DENND5B: variants seen among roughly 807,000 people sequenced by gnomAD.
DENND5B encodes DENN domain containing 5B, also known as DENN domain-containing protein 5B.
A neutral mutation model predicts 140.6 loss-of-function variants in DENND5B; 34 were observed. The ratio of observed to expected loss-of-function variants is 0.24; its 90% CI spans 0.18 to 0.32. The LOEUF (loss-of-function observed/expected upper bound fraction) is 0.32, where lower values mean the gene tolerates loss of function less well. Ranked by LOEUF, DENND5B falls within the 10% of genes least tolerant of loss-of-function variation. DENND5B has a pLI of 1.00. For synonymous variants in DENND5B, 551 were observed against 562.1 expected, an observed-to-expected ratio of 0.98 and a Z score of 0.28; for missense variants, 1,142 against 1,560.2, an observed-to-expected ratio of 0.73 and a Z score of 4.52.
chr12:31,479,442 C>T (rs900490163), intron 3 of DENND5B, 147 bp downstream of exon 3: 37 of 636,600 alleles, frequency 5.8e-5, no homozygotes, highest in Non-Finnish European at 1.8e-5. Context: ...TCATCTCAGC[C>T]GCTGGTCCCA....
At chr12:31,451,728 T>C in intron 5 of DENND5B, 1 of 562,006 alleles carries the variant, frequency 1.8e-6, no homozygotes, top group African/African-American at 1.9e-5. Context: ...CTGGTTTATT[T>C]GCTTGTAAAA....
rs1337793197 is a variant in DENND5B at position 31,385,244 on chromosome 12, A to G, written c.*2359T>C. The G allele has an allele frequency of 6.6e-6, 1 of 152,236 alleles. No homozygotes were observed. Among genetic ancestry groups the G allele is most frequent in the Non-Finnish European group, 1.5e-5 (1 of 68,042 alleles). The allele number at this position is 152,236 out of a possible 1,614,324, so 9.4% of individuals were successfully genotyped here. A position where few individuals can be genotyped will look rare whatever the true frequency, so the allele number is the denominator to read the frequency against. ...GAAAGACTATTAGTAAGAATGCCGG[A>G]AGGTCAGTCTCATGCAGCCTGGTGA... On this transcript the variant is annotated 3_prime_UTR_variant, in exon 21 of 21. Coordinates refer to ENST00000389082, the MANE Select transcript of DENND5B (RefSeq NM_144973.4).
chr12:31,390,336 T>C (rs1941061938), intron 19 of DENND5B, among the ~76,000 whole-genome samples: 1 of 152,222 alleles, frequency 6.6e-6, no homozygotes, highest in South Asian at 2.1e-4. Context: ...CATTTACATT[T>C]GATTTAAATT....
At chr12:31,547,164 G>A (rs1048112085) in intron 1 of DENND5B, among the ~76,000 whole-genome samples, 1 of 152,104 alleles carries the variant, frequency 6.6e-6, no homozygotes, top group Non-Finnish European at 1.5e-5. Context: ...TTATTGTTGT[G>A]TTACTTTTCT....
intron 2 of DENND5B, among the ~76,000 whole-genome samples, chr12:31,491,795 C>T (rs550648064): frequency 1.3e-5 from 2 of 152,176 alleles, no homozygotes; most frequent in Non-Finnish European, 2.9e-5. Flanking sequence ...TGTACTCATA[C>T]ACATTAAACA....
chr12:31,582,877 T>C (rs1034094320), intron 1 of DENND5B, among the ~76,000 whole-genome samples: 2 of 152,190 alleles, frequency 1.3e-5, no homozygotes, highest in Non-Finnish European at 2.9e-5. Context: ...ATAGTGGTTA[T>C]GGGTATGGAT....
intron 2 of DENND5B, among the ~76,000 whole-genome samples, chr12:31,489,374 T>C (rs1946433376): frequency 6.8e-6 from 1 of 147,344 alleles, no homozygotes; most frequent in Non-Finnish European, 1.5e-5. Flanking sequence ...AAGATAAAAA[T>C]AATCCTTTCC....
chr12:31,436,111 CTTTT>C (rs144152490), intron 7 of DENND5B, among the ~76,000 whole-genome samples: 1 of 144,398 alleles, frequency 6.9e-6, no homozygotes, highest in Non-Finnish European at 1.5e-5. Flanking sequence ...AGCCCCCCCA[CTTTT>C]TTTTTTTGAG....
Position 31,398,220 on chromosome 12 carries a change from T to C in DENND5B, c.3211A>G (p.Thr1071Ala). The C allele has an allele frequency of 1.9e-6, 3 of 1,605,654 alleles. No individual in the cohort carries two copies. The highest frequency in any genetic ancestry group is 2.2e-5 in the South Asian group (2 of 88,978). Residue 1071 changes from threonine to alanine, a missense_variant, in exon 17 of 21, where the codon ACG (threonine) becomes GCG (alanine). Physicochemically the swap from Thr to Ala is moderately conservative, Grantham distance 58. Transcript: ENST00000389082. ...RTPPQQKSPT[T>A]ARRLSITSLT... Reference sequence around the variant, plus strand: ...GAAGTGATGCTCAATCTCCTAGCCGTGGTGGGTGACTTCTGCTGGGGTGGA... The same window carrying C: ...GAAGTGATGCTCAATCTCCTAGCCGCGGTGGGTGACTTCTGCTGGGGTGGA...
chr12:31,498,619 G>A (rs1284067868), intron 1 of DENND5B, among the ~76,000 whole-genome samples: 2 of 152,136 alleles, frequency 1.3e-5, no homozygotes, highest in Non-Finnish European at 1.5e-5. Flanking sequence ...TGGCAAATAT[G>A]ATTTGGAAGG....
intron 2 of DENND5B, among the ~76,000 whole-genome samples, chr12:31,489,219 C>T (rs549642503): frequency 6.6e-6 from 1 of 152,214 alleles, no homozygotes; most frequent in African/African-American, 2.4e-5. Flanking sequence ...TGTGTATATA[C>T]ACTCTATGAT....
intron 3 of DENND5B, among the ~76,000 whole-genome samples, chr12:31,463,065 C>T (rs1031705918): frequency 1.6e-4 from 24 of 152,158 alleles, no homozygotes; most frequent in Admixed American, 1.6e-3. Flanking sequence ...GAGTTCAAGA[C>T]TAGCCCGCCC....
intron 1 of DENND5B, among the ~76,000 whole-genome samples, chr12:31,558,325 T>C (rs1232728202): frequency 6.6e-6 from 1 of 152,050 alleles, no homozygotes; most frequent in Non-Finnish European, 1.5e-5. Flanking sequence ...ATTGCACTGG[T>C]GACTCTCCAC....
At chr12:31,481,878 G>A (rs1218726777) in intron 2 of DENND5B, among the ~76,000 whole-genome samples, 2 of 152,182 alleles carry the variant, frequency 1.3e-5, no homozygotes, top group Non-Finnish European at 2.9e-5. Flanking sequence ...CAAAGAGGCA[G>A]CAGGAATGTC....
intron 3 of DENND5B, among the ~76,000 whole-genome samples, 156 bp from the exon 4 acceptor site, chr12:31,460,537 ATAATT>A (rs1442380888): frequency 1.3e-5 from 2 of 151,986 alleles, no homozygotes; most frequent in African/African-American, 4.8e-5. Flanking sequence ...CTATTCCACT[ATAATT>A]AAAGAATTAA....
chr12:31,459,677 C>CA (rs79041047), intron 4 of DENND5B, among the ~76,000 whole-genome samples: 1,724 of 152,258 alleles, frequency 0.011, 19 homozygotes, highest in East Asian at 0.031. Flanking sequence ...ATTTTTATCT[C>CA]AACCACCAAG....
rs965580314 is a variant in DENND5B at position 31,527,954 on chromosome 12, ACAGT to A, written c.128-32039_128-32036del. On this transcript the variant is annotated intron_variant, in intron 1 of 20. Coordinates refer to ENST00000389082, the MANE Select transcript of DENND5B (RefSeq NM_144973.4). ...TATGCCTAGACTCTTTAAATTAAAA[ACAGT>A]CAGTGTCATGAAAAACAAAAAAGGT... 2.9e-3 allele frequency among the ~76,000 whole-genome samples: 84 copies of A among 28,902 alleles called. 1 individual carries two copies. Among genetic ancestry groups the A allele is most frequent in the African/African-American group, 0.012 (81 of 6,896 alleles). 19.0% of individuals were successfully genotyped at this position (28,902 alleles called of 152,430 possible).
At chr12:31,582,003 G>A (rs1002311355) in intron 1 of DENND5B, among the ~76,000 whole-genome samples, 14 of 152,116 alleles carry the variant, frequency 9.2e-5, no homozygotes, top group African/African-American at 3.4e-4. Context: ...ATTGTTTAGG[G>A]AACAATAGCG....
intron 3 of DENND5B, among the ~76,000 whole-genome samples, chr12:31,469,800 A>G (rs913313809): frequency 6.6e-6 from 1 of 151,976 alleles, no homozygotes; most frequent in Non-Finnish European, 1.5e-5. Context: ...GGTTATTGAA[A>G]AGAGTCTGGC....
Sources: allele counts gnomAD v4.1 joint callset (sites outside exome capture counted in the v4.1 genomes callset), GRCh38; gene constraint gnomAD v4.1.1; transcripts MANE v1.5; gene names NCBI Gene and HGNC (gene_info 2026-07-23, HGNC 2026-07-21).